Variants in OTUD7A observed in about 807,000 individuals in gnomAD.
The protein encoded by OTUD7A is OTU deubiquitinase 7A.
Under a neutral mutation model 65.7 loss-of-function variants are expected in OTUD7A, and 12 were observed. That is an observed-to-expected ratio of 0.18 (90% CI 0.12 to 0.30). The LOEUF is 0.30. Among genes scored for constraint, OTUD7A ranks in the 10% least tolerant of loss-of-function variants. The pLI, the probability that OTUD7A is intolerant of heterozygous loss-of-function variation, is 1.00. For missense variants in OTUD7A, 1,148 were observed against 1,304.8 expected (o/e 0.88, Z 1.85); for synonymous variants, 641 against 586.3 (o/e 1.09, Z -1.35).
intron 8 of OTUD7A, among the ~76,000 whole-genome samples, chr15:31,525,834 A>T (rs1164169654): frequency 6.6e-6 from 1 of 152,200 alleles, no homozygotes; most frequent in Non-Finnish European, 1.5e-5. Flanking sequence ...TTTGCTGGGA[A>T]CACATATAAT....
chr15:31,629,824 G>T (rs945391728), intron 3 of OTUD7A, among the ~76,000 whole-genome samples: 1 of 152,058 alleles, frequency 6.6e-6, no homozygotes, highest in African/African-American at 2.4e-5. Context: ...GTCTTGGGAG[G>T]GTGTATGTGT....
At chr15:31,563,964 G>C (rs1252959272) in intron 4 of OTUD7A, among the ~76,000 whole-genome samples, 1 of 152,100 alleles carries the variant, frequency 6.6e-6, no homozygotes, top group Non-Finnish European at 1.5e-5. Context: ...GGAGCTTCAG[G>C]GAAACTGTTA....
intron 3 of OTUD7A, among the ~76,000 whole-genome samples, chr15:31,617,105 G>A (rs1890612214): frequency 6.6e-6 from 1 of 152,204 alleles, no homozygotes; most frequent in Non-Finnish European, 1.5e-5. Context: ...AAACATTTAT[G>A]AGGATAACAT....
chr15:31,592,804 C>G (rs745402399), intron 3 of OTUD7A, among the ~76,000 whole-genome samples: 1 of 138,436 alleles, frequency 7.2e-6, no homozygotes, highest in Non-Finnish European at 1.5e-5. Flanking sequence ...GGCGTGAACC[C>G]AGGAGGCGGC....
At chr15:31,726,347 G>GCACACACACACACACACACGCA (rs1555411163) in intron 1 of OTUD7A, among the ~76,000 whole-genome samples, 1 of 149,814 alleles carries the variant, frequency 6.7e-6, no homozygotes, top group Admixed American at 6.7e-5. Context: ...ACACACACAC[G>GCACACACACACACACACACGCA]CACACACACA....
chr15:31,651,221 T>A (rs942989705), intron 3 of OTUD7A, among the ~76,000 whole-genome samples: 4 of 147,102 alleles, frequency 2.7e-5, no homozygotes, highest in African/African-American at 1.0e-4. Context: ...TAATCTAGTA[T>A]AGCAACAGTT....
intron 4 of OTUD7A, among the ~76,000 whole-genome samples, chr15:31,559,813 C>T (rs73372573): frequency 0.027 from 4,066 of 152,294 alleles, 190 homozygotes; most frequent in African/African-American, 0.092. Context: ...AGACTATATG[C>T]ATACACACGT....
chr15:31,775,451 T>A (rs542765805), intron 1 of OTUD7A, among the ~76,000 whole-genome samples: 1 of 152,264 alleles, frequency 6.6e-6, no homozygotes, highest in Non-Finnish European at 1.5e-5. Flanking sequence ...AGGTTATGAG[T>A]CTGTAAGTGC....
At chr15:31,828,346 A>G (rs990267865) in intron 1 of OTUD7A, among the ~76,000 whole-genome samples, 3 of 152,146 alleles carry the variant, frequency 2.0e-5, no homozygotes, top group African/African-American at 7.2e-5. Context: ...TGGACACATA[A>G]CTGTGTTTAT....
intron 3 of OTUD7A, among the ~76,000 whole-genome samples, chr15:31,638,022 C>T (rs1376809503): frequency 6.6e-6 from 1 of 152,238 alleles, no homozygotes; most frequent in East Asian, 1.9e-4. Flanking sequence ...AGAGGACTGA[C>T]TTCAATTTTG....
chr15:31,662,470 C>G (rs1892193713), intron 1 of OTUD7A, among the ~76,000 whole-genome samples: 1 of 152,196 alleles, frequency 6.6e-6, no homozygotes, highest in Non-Finnish European at 1.5e-5. Context: ...CAGTTGTTGT[C>G]TTTATTGATG....
At chr15:31,714,911 G>A (rs532041942) in intron 1 of OTUD7A, among the ~76,000 whole-genome samples, 170 of 152,044 alleles carry the variant, frequency 1.1e-3, no homozygotes, top group African/African-American at 3.8e-3. Flanking sequence ...CGAGGCAGGC[G>A]GATCACCTGA....
chr15:31,613,534 A>T (rs944596132), intron 3 of OTUD7A, among the ~76,000 whole-genome samples: 1 of 152,220 alleles, frequency 6.6e-6, no homozygotes, highest in Non-Finnish European at 1.5e-5. Flanking sequence ...ATGGCCAACA[A>T]ACATATGAAA....
chr15:31,546,078 A>G (rs1480328065), intron 5 of OTUD7A, among the ~76,000 whole-genome samples: 1 of 152,230 alleles, frequency 6.6e-6, no homozygotes, highest in African/African-American at 2.4e-5. Context: ...GATTTAAAAT[A>G]TATGGGAAAA....
rs897439539 is a variant in OTUD7A, at chr15:31,768,807, T to C, written c.-100+101700A>G. On this transcript the variant is annotated intron_variant, in intron 1 of 12. Coordinates refer to ENST00000307050, the MANE Select transcript of OTUD7A (RefSeq NM_001382637.1). ...CATATTGAATAGTTAAATGTTGTTC[T>C]ACACAGACTGTGAAAAAATAAGTAT... Among the ~76,000 whole-genome samples the C allele has an allele frequency of 9.2e-5, 14 of 152,306 alleles. No homozygotes were observed. In the South Asian group the frequency reaches 2.9e-3, roughly 32 times the overall value.
chr15:31,791,016 CTTTT>C (rs988569807), intron 1 of OTUD7A, among the ~76,000 whole-genome samples: 1 of 152,100 alleles, frequency 6.6e-6, no homozygotes, highest in Non-Finnish European at 1.5e-5. Flanking sequence ...TAATGGTCAT[CTTTT>C]TTTGTTTGTT....
chr15:31,856,317 G>C (rs947304657), intron 1 of OTUD7A, among the ~76,000 whole-genome samples: 3 of 152,164 alleles, frequency 2.0e-5, no homozygotes, highest in Non-Finnish European at 2.9e-5. Context: ...TCCTGGGAAA[G>C]GCATGGGGAT....
chr15:31,808,461 C>G (rs1345886826), intron 1 of OTUD7A, among the ~76,000 whole-genome samples: 1 of 152,210 alleles, frequency 6.6e-6, no homozygotes, highest in African/African-American at 2.4e-5. Context: ...AGGTGCCTGA[C>G]TCGGAGGTCC....
At chr15:31,770,288 C>T (rs150209354) in intron 1 of OTUD7A, among the ~76,000 whole-genome samples, 75 of 152,212 alleles carry the variant, frequency 4.9e-4, no homozygotes, top group African/African-American at 1.7e-3. Context: ...GGAATATGAA[C>T]TACTTTATGT....
Sources: gnomAD v4.1 joint callset for allele counts (sites outside exome capture counted in the v4.1 genomes callset) on GRCh38, gnomAD v4.1.1 for gene constraint, MANE v1.5 for transcripts, NCBI Gene and HGNC (gene_info 2026-07-23, HGNC 2026-07-21) for gene names.